Variants in BCL11A observed in about 807,000 individuals in gnomAD.
BCL11A encodes the protein B cell CLL/lymphoma 11A.
BCL11A carries 2 observed loss-of-function variants against 55.9 expected under a neutral mutation model. That is an observed-to-expected ratio of 0.04 (90% CI 0.01 to 0.11). The LOEUF is 0.11. Among genes scored for constraint, BCL11A ranks in the 10% least tolerant of loss-of-function variants. The probability of loss-of-function intolerance (pLI) is 1.00; values close to 1 mark genes in which losing one functional copy is unlikely to be tolerated. For synonymous variants in BCL11A, 465 were observed against 473.4 expected (o/e 0.98, Z 0.23); for missense variants, 817 against 1,137.1 (o/e 0.72, Z 4.05).
intron 2 of BCL11A, among the ~76,000 whole-genome samples, chr2:60,520,271 T>C (rs1342873042): frequency 6.6e-6 from 1 of 152,218 alleles, no homozygotes; most frequent in Non-Finnish European, 1.5e-5. Context: ...ACCCTTACAA[T>C]AAACTCTTCT....
intron 1 of BCL11A, chr2:60,549,766 C>G (rs978203740): frequency 1.3e-5 from 2 of 152,278 alleles, no homozygotes; most frequent in African/African-American, 4.8e-5. Context: ...GAAAACCCGG[C>G]TGGTTAACCT....
At chr2:60,538,168 G>C (rs374970005) in intron 2 of BCL11A, 7 of 152,180 alleles carry the variant, frequency 4.6e-5, no homozygotes, top group Non-Finnish European at 1.0e-4. Context: ...GTTTAAACCT[G>C]ATCATCTCAC....
chr2:60,504,237 C>A (rs1446783880), intron 2 of BCL11A, among the ~76,000 whole-genome samples: 2 of 152,208 alleles, frequency 1.3e-5, no homozygotes, highest in East Asian at 3.8e-4. Context: ...CCCAGCAATT[C>A]CAGAACTGCT....
At chr2:60,543,343 T>C (rs996751422) in intron 2 of BCL11A, 1 of 152,244 alleles carries the variant, frequency 6.6e-6, no homozygotes, top group Admixed American at 6.5e-5. Context: ...TTCATCAATA[T>C]ATCTCTTTCC....
chr2:60,451,706 C>T (rs1369479706), exon 5 of BCL11A: 1 of 230,274 alleles, frequency 4.3e-6, no homozygotes, highest in Non-Finnish European at 8.6e-6. Flanking sequence ...CATTTATCAC[C>T]TTCTTTAGGA....
At chr2:60,531,229 C>A (rs1271359621) in intron 2 of BCL11A, among the ~76,000 whole-genome samples, 1 of 152,016 alleles carries the variant, frequency 6.6e-6, no homozygotes, top group African/African-American at 2.4e-5. Context: ...CTGTGTTGCC[C>A]GACGGTCCTG....
At chr2:60,465,869 C>T (rs147547242) in intron 3 of BCL11A, among the ~76,000 whole-genome samples, 1 of 152,344 alleles carries the variant, frequency 6.6e-6, no homozygotes, top group Non-Finnish European at 1.5e-5. Flanking sequence ...CCCCGAACGG[C>T]TTCCAGAGGA....
intron 2 of BCL11A, among the ~76,000 whole-genome samples, chr2:60,498,787 G>A (rs1679101624): frequency 1.3e-5 from 2 of 152,182 alleles, no homozygotes; most frequent in Non-Finnish European, 2.9e-5. Context: ...GTTCTCTGAG[G>A]AGCTAGAGAC....
intron 2 of BCL11A, among the ~76,000 whole-genome samples, chr2:60,532,256 A>G (rs1057006380): frequency 2.6e-5 from 4 of 151,144 alleles, no homozygotes; most frequent in Admixed American, 6.6e-5. Flanking sequence ...AAGACAGTCT[A>G]TCTCACTGGT....
At chr2:60,533,558 G>C (rs1183012941) in intron 2 of BCL11A, 3 of 152,122 alleles carry the variant, frequency 2.0e-5, no homozygotes, top group African/African-American at 7.2e-5. Context: ...AAAGTATGAA[G>C]ATTTTTTTTG....
chr2:60,510,461 C>G (rs1679919443), intron 2 of BCL11A, among the ~76,000 whole-genome samples: 1 of 152,156 alleles, frequency 6.6e-6, no homozygotes, highest in Non-Finnish European at 1.5e-5. Context: ...TTGGGCCTTC[C>G]CTAATTATCC....
chr2:60,502,934 C>T (rs1050521812), intron 2 of BCL11A, among the ~76,000 whole-genome samples: 3 of 152,156 alleles, frequency 2.0e-5, no homozygotes, highest in African/African-American at 7.2e-5. Flanking sequence ...CTGGGGCTCC[C>T]AGAAGACACA....
In BCL11A at chr2:60,458,927, G is replaced by A. The variant is rs1490869644; in HGVS notation, c.*1477C>T. On this transcript the variant is annotated 3_prime_UTR_variant, in exon 4 of 4. Transcript: ENST00000642384. ...CATGTTAACACAAATAGCACACAGTGTATGGAAAAGAAATGAAGTACAACT... is the reference window on the plus strand; with the variant it reads ...CATGTTAACACAAATAGCACACAGTATATGGAAAAGAAATGAAGTACAACT... The A allele has an allele frequency of 9.7e-7, 1 of 1,033,540 alleles. No homozygotes were observed. Among genetic ancestry groups the A allele is most frequent in the African/African-American group, 1.7e-5 (1 of 59,292 alleles). 64.0% of individuals were successfully genotyped at this position (1,033,540 alleles called of 1,614,324 possible). A position where few individuals can be genotyped will look rare whatever the true frequency, so the allele number is the denominator to read the frequency against.
chr2:60,553,089 G>A lies in BCL11A; in HGVS notation c.55+127C>T, dbSNP rs981229719. Reference sequence around the variant, plus strand: ...CTTTATCTCTTTTACCTCGACTCTCGGAGGTTTTTCTCGTGAAAAATTTAA... The same window carrying A: ...CTTTATCTCTTTTACCTCGACTCTCAGAGGTTTTTCTCGTGAAAAATTTAA... On this transcript the variant is annotated intron_variant, in intron 1 of 3. Transcript: ENST00000642384. 7.4e-6 allele frequency: 7 copies of A among 944,098 alleles called. No individual in the cohort carries two copies. The African/African-American group carries it at 8.7e-5, about 12-fold the overall frequency. The allele number at this position is 944,098 out of a possible 1,614,324, so 58.5% of individuals were successfully genotyped here. A position where few individuals can be genotyped will look rare whatever the true frequency, so the allele number is the denominator to read the frequency against.
chr2:60,487,845 A>G (rs1018318882), intron 2 of BCL11A, among the ~76,000 whole-genome samples: 33 of 152,204 alleles, frequency 2.2e-4, no homozygotes, highest in Non-Finnish European at 1.3e-4. Flanking sequence ...CTGGATAAGA[A>G]TTTGGTCTAA....
At position 60,460,046 on chromosome 2, in the gene BCL11A, A is replaced by G. The variant is rs1676145850; in HGVS notation, c.*358T>C. ...CCATAACATACCATACATGCTGTCTAAGTTTAAAAAAAAACATACACAACA... is the reference window on the plus strand; with the variant it reads ...CCATAACATACCATACATGCTGTCTGAGTTTAAAAAAAAACATACACAACA... On this transcript the variant is annotated 3_prime_UTR_variant, in exon 4 of 4. Coordinates refer to ENST00000642384, the MANE Select transcript of BCL11A (RefSeq NM_022893.4). The G allele has an allele frequency of 1.8e-6, 2 of 1,088,186 alleles. No homozygotes were observed. The highest frequency in any genetic ancestry group is 8.6e-5 in the South Asian group (2 of 23,208). The allele number at this position is 1,088,186 out of a possible 1,614,324, so 67.4% of individuals were successfully genotyped here. A position where few individuals can be genotyped will look rare whatever the true frequency, so the allele number is the denominator to read the frequency against.
In BCL11A at chr2:60,467,639, GTGA is replaced by G. The variant is rs1473838669; in HGVS notation, c.487+1090_487+1092del. ...GATGGTGGTGGTAATGGTGGTGGTG[GTGA>G]TGGTGGTGATGATGGTGATGGTACT... On this transcript the variant is annotated intron_variant, in intron 3 of 3. Transcript: ENST00000642384. Among the ~76,000 whole-genome samples the G allele has an allele frequency of 2.1e-5, 2 of 95,214 alleles. 1 individual carries two copies. Among genetic ancestry groups the G allele is most frequent in the Admixed American group, 2.0e-4 (2 of 10,238 alleles). 62.5% of individuals were successfully genotyped at this position (95,214 alleles called of 152,430 possible).
chr2:60,524,079 CTT>C (rs1669103427), intron 2 of BCL11A, among the ~76,000 whole-genome samples: 1 of 152,178 alleles, frequency 6.6e-6, no homozygotes, highest in African/African-American at 2.4e-5. Flanking sequence ...TGGAGGGTAT[CTT>C]CATTTATCAT....
At chr2:60,499,110 T>C (rs1272132496) in intron 2 of BCL11A, among the ~76,000 whole-genome samples, 2 of 152,230 alleles carry the variant, frequency 1.3e-5, no homozygotes, top group African/African-American at 4.8e-5. Context: ...CTACAATGTG[T>C]TCCCCAGTAT....
Sources: allele counts gnomAD v4.1 joint callset (sites outside exome capture counted in the v4.1 genomes callset), GRCh38; gene constraint gnomAD v4.1.1; transcripts MANE v1.5; gene names NCBI Gene and HGNC (gene_info 2026-07-23, HGNC 2026-07-21).